MECR: variants seen among roughly 807,000 people sequenced by gnomAD.
MECR encodes the protein enoyl-[acyl-carrier-protein] reductase, mitochondrial.
In MECR, 37 loss-of-function variants were observed where a neutral mutation model predicts 49.1. That is an observed-to-expected ratio of 0.75 (90% CI 0.58 to 0.99). MECR has a LOEUF of 0.99. Among genes scored for constraint, MECR ranks in the 50% least tolerant of loss-of-function variants. The pLI is 0.00. For missense variants in MECR, 470 were observed against 479.6 expected (o/e 0.98, Z 0.19); for synonymous variants, 198 against 191.1 (o/e 1.04, Z -0.30).
intron 1 of MECR, among the ~76,000 whole-genome samples, chr1:29,217,900 G>T (rs1397089024): frequency 6.6e-6 from 1 of 152,210 alleles, no homozygotes; most frequent in Non-Finnish European, 1.5e-5. Context: ...TCTGGAGGAG[G>T]ATTCTTGTCT....
In MECR at chr1:29,193,867, G is replaced by T; in HGVS notation, c.*155C>A. 1 of 862,552 alleles carries T rather than the reference G, an allele frequency of 1.2e-6. No individual in the cohort carries two copies. The highest frequency in any genetic ancestry group is 2.7e-5 in the Admixed American group (1 of 37,506). 53.4% of individuals were successfully genotyped at this position (862,552 alleles called of 1,614,324 possible). On this transcript the variant is annotated 3_prime_UTR_variant, in exon 10 of 10. Transcript: ENST00000263702. The stretch of plus-strand genomic sequence containing the variant: ...TATTAGATACCTTAAGGCTGGCCCT[G>T]GGGAAAACCGTGGCTGGCTTCACCA...
Position 29,211,088 on chromosome 1 carries a change from G to GTT in MECR, c.407-4185_407-4184dup, listed in dbSNP as rs112758931. Among the ~76,000 whole-genome samples the GTT allele has an allele frequency of 5.2e-3, 753 of 143,750 alleles. 3 individuals carry two copies. Among genetic ancestry groups the GTT allele is most frequent in the Admixed American group, 5.0e-3 (72 of 14,398 alleles). The allele number at this position is 143,750 out of a possible 152,430, so 94.3% of individuals were successfully genotyped here. On this transcript the variant is annotated intron_variant, in intron 3 of 9. Coordinates refer to ENST00000263702, the MANE Select transcript of MECR (RefSeq NM_016011.5). ...CACCACTTGTTTTTGTAAATAAAGG[G>GTT]TTTTTTTTTTTTTTGTTTTGAGACA...
At chr1:29,176,884 AAAT>A in the MECR span, among the ~76,000 whole-genome samples, 2 of 152,248 alleles carry the variant, frequency 1.3e-5, no homozygotes, top group Non-Finnish European at 2.9e-5. Context: ...TCTGAAGTTT[AAAT>A]CCAAGTTTCC....
the MECR span, chr1:29,172,584 G>A: frequency 6.6e-6 from 1 of 152,208 alleles, no homozygotes; most frequent in African/African-American, 2.4e-5. Context: ...GAGCCACCAC[G>A]CCTGGCCAGC....
In MECR at chr1:29,230,802, G is replaced by A. The variant is rs753436089; in HGVS notation, c.105C>T (p.Ser35=). The change falls in exon 1 of 10, where the codon TCC becomes TCT. Residue 35 remains serine, a synonymous_variant. Transcript: ENST00000263702. ...GGACCCGGGCAGGCTCGGCGGATGC[G>A]GAGTAGGAGGAGGCGGCAGGTCCGT... is the stretch of plus-strand genomic sequence containing the variant. ...GCHGPAASSY[S]ASAEPARVRA... The A allele has an allele frequency of 2.5e-6, 4 of 1,607,212 alleles. No homozygotes were observed. Among genetic ancestry groups the A allele is most frequent in the South Asian group, 1.1e-5 (1 of 90,316 alleles).
the MECR span, among the ~76,000 whole-genome samples, chr1:29,174,675 G>GTTTT: frequency 1.5e-5 from 2 of 130,702 alleles, no homozygotes; most frequent in Admixed American, 8.1e-5. Flanking sequence ...CAGGAGATAG[G>GTTTT]TTTTTTTTTT....
the MECR span, among the ~76,000 whole-genome samples, chr1:29,174,225 A>T: frequency 7.0e-6 from 1 of 142,228 alleles, no homozygotes; most frequent in Non-Finnish European, 1.5e-5. Context: ...AAAAAAAAAT[A>T]GGAGCTCTTA....
intron 3 of MECR, among the ~76,000 whole-genome samples, chr1:29,213,687 C>T (rs1678606644): frequency 1.3e-5 from 2 of 152,248 alleles, no homozygotes; most frequent in African/African-American, 4.8e-5. Context: ...TGGTGGCCAT[C>T]TATGAGAGGT....
At chr1:29,178,027 G>A in the MECR span, among the ~76,000 whole-genome samples, 1 of 150,674 alleles carries the variant, frequency 6.6e-6, no homozygotes, top group Non-Finnish European at 1.5e-5. Flanking sequence ...AGCCTCTAGA[G>A]GAGCTGGGAT....
In MECR at chr1:29,193,860, TG is replaced by T; in HGVS notation, c.*161del. 1.3e-6 allele frequency: 1 copy of T among 786,156 alleles called. No homozygotes were observed. Among genetic ancestry groups the T allele is most frequent in the Non-Finnish European group, 2.0e-6 (1 of 497,212 alleles). The allele number at this position is 786,156 out of a possible 1,614,324, so 48.7% of individuals were successfully genotyped here. On this transcript the variant is annotated 3_prime_UTR_variant, in exon 10 of 10. Transcript: ENST00000263702. ...CAGACTTTATTAGATACCTTAAGGC[TG>T]GCCCTGGGGAAAACCGTGGCTGGCT... is the stretch of plus-strand genomic sequence containing the variant.
intron 1 of MECR, chr1:29,223,317 T>C: frequency 1.0e-6 from 1 of 984,576 alleles, no homozygotes; most frequent in Non-Finnish European, 1.2e-6. Context: ...AAGAGCCTTT[T>C]GAGAGGGGGG....
At chr1:29,223,371 G>T (rs1189324486) in intron 1 of MECR, 2 of 808,780 alleles carry the variant, frequency 2.5e-6, no homozygotes, top group Non-Finnish European at 3.0e-6. Context: ...TATACTTGCT[G>T]TGTAAGGTGG....
chr1:29,230,628 G>GC (rs1683182645), intron 1 of MECR, 103 bp downstream of exon 1: 1 of 1,414,356 alleles, frequency 7.1e-7, no homozygotes, highest in African/African-American at 1.5e-5. Flanking sequence ...GCTATTCTCT[G>GC]CCCCCTTCCT....
rs55782600 is a variant in MECR at position 29,204,532 on chromosome 1, G to A, written c.551-1299C>T. ...GTCACACATAGTAAGGGTATTTCAC[G>A]AAACTTTGGTTTCCATTATATATAT... is the stretch of plus-strand genomic sequence containing the variant. On this transcript the variant is annotated intron_variant, in intron 4 of 9. Transcript: ENST00000263702. Among the ~76,000 whole-genome samples, 706 of 152,122 alleles carry A rather than the reference G, an allele frequency of 4.6e-3. 7 individuals carry two copies. Among genetic ancestry groups the A allele is most frequent in the African/African-American group, 0.016 (658 of 41,482 alleles).
At chr1:29,181,545 C>T in the MECR span, 3 of 1,063,872 alleles carry the variant, frequency 2.8e-6, no homozygotes, top group Admixed American at 3.1e-5. Context: ...AGGCCGGTAG[C>T]CGCTCCGCGC....
intron 1 of MECR, among the ~76,000 whole-genome samples, chr1:29,222,431 A>C (rs1278625204): frequency 6.6e-6 from 1 of 152,102 alleles, no homozygotes; most frequent in Non-Finnish European, 1.5e-5. Flanking sequence ...TTGTTTGGGA[A>C]ATGCTGCCTA....
At chr1:29,185,407 C>A in the MECR span, among the ~76,000 whole-genome samples, 9 of 151,810 alleles carry the variant, frequency 5.9e-5, no homozygotes, top group Admixed American at 2.6e-4. Context: ...TGCCACCATG[C>A]CAAGCTAATT....
At chr1:29,220,244 T>A (rs4973728) in intron 1 of MECR, among the ~76,000 whole-genome samples, 17,793 of 124,810 alleles carry the variant, frequency 0.14, 1,498 homozygotes, top group East Asian at 0.42. Flanking sequence ...AAAAAAAAAA[T>A]ACAAAAATTA....
the MECR span, among the ~76,000 whole-genome samples, chr1:29,175,491 C>T: frequency 1.3e-5 from 2 of 150,492 alleles, no homozygotes; most frequent in South Asian, 2.1e-4. Context: ...GTCAGGAGAT[C>T]GAGACCATCC....
Sources: gnomAD v4.1 joint callset for allele counts (sites outside exome capture counted in the v4.1 genomes callset) on GRCh38, gnomAD v4.1.1 for gene constraint, MANE v1.5 for transcripts, NCBI Gene and HGNC (gene_info 2026-07-23, HGNC 2026-07-21) for gene names.